The following PCDH9 variants were observed in gnomAD, a reference collection of about 807,000 sequenced individuals.
The protein encoded by PCDH9 is protocadherin-9.
PCDH9 carries 24 observed loss-of-function variants against 70.6 expected under a neutral mutation model. That is an observed-to-expected ratio of 0.34 (90% CI 0.25 to 0.48). The LOEUF is 0.48. PCDH9 is among the 20% of genes least tolerant of loss of function. PCDH9 has a pLI of 0.99. For missense variants in PCDH9, 1,281 were observed against 1,503.6 expected, an observed-to-expected ratio of 0.85 and a Z score of 2.45; for synonymous variants, 562 against 558.5, an observed-to-expected ratio of 1.01 and a Z score of -0.09.
chr13:66,783,410 G>A (rs2139303194), intron 3 of PCDH9, among the ~76,000 whole-genome samples: 1 of 152,158 alleles, frequency 6.6e-6, no homozygotes, highest in South Asian at 2.1e-4. Context: ...AAAATTAACA[G>A]ACACCTCGAT....
Position 67,226,251 on chromosome 13 carries a change from T to C in PCDH9, c.2190A>G (p.Pro730=). ...GNNKGLFRID[P]VTGNITLEEK... ...CTTCCAGAGTAATGTTACCTGTTACTGGATCAATCCGGAATAAGCCTTTAT... is the reference window on the plus strand; with the variant it reads ...CTTCCAGAGTAATGTTACCTGTTACCGGATCAATCCGGAATAAGCCTTTAT... The change falls in exon 2 of 5, where the codon CCA becomes CCG. Residue 730 remains proline, a synonymous_variant. Coordinates refer to ENST00000377865, the MANE Select transcript of PCDH9 (RefSeq NM_203487.3). This position sits in a 1 kb window ranked among gnomAD's most constrained non-coding sequence, Gnocchi z 5.0. 1.2e-6 allele frequency: 2 copies of C among 1,614,222 alleles called. No individual in the cohort carries two copies. Among genetic ancestry groups the C allele is most frequent in the East Asian group, 2.2e-5 (1 of 44,878 alleles).
chr13:66,485,063 C>A (rs963472266), intron 4 of PCDH9, among the ~76,000 whole-genome samples: 2 of 151,996 alleles, frequency 1.3e-5, no homozygotes, highest in Non-Finnish European at 2.9e-5. Flanking sequence ...TTTTTTATTC[C>A]ATTTTGCAAG....
chr13:66,305,941 C>G lies in PCDH9; in HGVS notation c.3341-913G>C, dbSNP rs535835993. 5.7e-4 allele frequency among the ~76,000 whole-genome samples: 86 copies of G among 152,064 alleles called. 3 individuals are homozygous for G. The South Asian group carries it at 0.017, about 31-fold the overall frequency. ...TCTGACTGTTTAAAATAGAAATCAGCCCTTTACTAAAAAAACAACATAAGC... is the reference window on the plus strand; with the variant it reads ...TCTGACTGTTTAAAATAGAAATCAGGCCTTTACTAAAAAAACAACATAAGC... On this transcript the variant is annotated intron_variant, in intron 4 of 4. Transcript: ENST00000377865.
intron 2 of PCDH9, among the ~76,000 whole-genome samples, chr13:67,026,399 T>C (rs370607202): frequency 3.9e-5 from 6 of 152,168 alleles, no homozygotes; most frequent in Non-Finnish European, 8.8e-5. Context: ...AATTAGGTAT[T>C]GATGGGACGT....
chr13:66,432,116 ACTT>A (rs1338157747), intron 4 of PCDH9, among the ~76,000 whole-genome samples: 1 of 151,998 alleles, frequency 6.6e-6, no homozygotes, highest in Non-Finnish European at 1.5e-5. Context: ...TTAAACATGT[ACTT>A]CTTGCTTATT....
chr13:66,369,936 A>G (rs755164717), intron 4 of PCDH9, among the ~76,000 whole-genome samples: 1 of 152,130 alleles, frequency 6.6e-6, no homozygotes, highest in African/African-American at 2.4e-5. Flanking sequence ...TTTGGAAAGA[A>G]TTTCTGACAT....
chr13:66,837,808 T>C (rs1201014874), intron 3 of PCDH9, among the ~76,000 whole-genome samples: 1 of 152,144 alleles, frequency 6.6e-6, no homozygotes, highest in Non-Finnish European at 1.5e-5. Context: ...TCAAATAGGC[T>C]TCAAGGAGAT....
chr13:66,817,056 T>C (rs1160448015), intron 3 of PCDH9, among the ~76,000 whole-genome samples: 3 of 151,678 alleles, frequency 2.0e-5, no homozygotes, highest in African/African-American at 7.3e-5. Context: ...AAAAGCAATA[T>C]AGCAAACAAC....
chr13:66,983,690 CTTTTA>C (rs1594349135), intron 2 of PCDH9, among the ~76,000 whole-genome samples: 1 of 151,940 alleles, frequency 6.6e-6, no homozygotes, highest in Non-Finnish European at 1.5e-5. Flanking sequence ...TTAAAAAAAA[CTTTTA>C]TTTTAGGTTC....
At chr13:66,835,621 T>C (rs1325324273) in intron 3 of PCDH9, among the ~76,000 whole-genome samples, 2 of 152,212 alleles carry the variant, frequency 1.3e-5, no homozygotes, top group Non-Finnish European at 2.9e-5. Flanking sequence ...GGGGATTTGT[T>C]ATGGTGCTAC....
At chr13:67,107,616 G>A (rs544345732) in intron 2 of PCDH9, among the ~76,000 whole-genome samples, 1 of 152,274 alleles carries the variant, frequency 6.6e-6, no homozygotes, top group East Asian at 1.9e-4. Flanking sequence ...TGGGTCTCCT[G>A]AGAGCTGTTC....
intron 2 of PCDH9, among the ~76,000 whole-genome samples, chr13:66,934,101 G>A (rs550844540): frequency 1.3e-5 from 2 of 152,188 alleles, no homozygotes; most frequent in South Asian, 4.2e-4. Context: ...TACTAGACAA[G>A]CAAATGGCCC....
chr13:66,946,869 G>A (rs940015231), intron 2 of PCDH9, among the ~76,000 whole-genome samples: 2 of 152,082 alleles, frequency 1.3e-5, no homozygotes, highest in Non-Finnish European at 2.9e-5. Context: ...CAAAATGAAT[G>A]TACATATGCC....
At position 66,710,772 on chromosome 13, in the gene PCDH9, T is replaced by G. The variant is rs529141191; in HGVS notation, c.3139-79361A>C. Reference sequence around the variant, plus strand: ...GAATCCATTTCCTTGCCTTTTTCATTTTTTTAAAGCCTGCCTGTATTCATT... The same window carrying G: ...GAATCCATTTCCTTGCCTTTTTCATGTTTTTAAAGCCTGCCTGTATTCATT... On this transcript the variant is annotated intron_variant, in intron 3 of 4. Transcript: ENST00000377865. Among the ~76,000 whole-genome samples the G allele has an allele frequency of 1.3e-4, 20 of 152,180 alleles. No homozygotes were observed. The South Asian group carries it at 4.1e-3, about 32-fold the overall frequency.
intron 4 of PCDH9, among the ~76,000 whole-genome samples, chr13:66,556,371 G>A (rs1349434198): frequency 6.6e-6 from 1 of 152,116 alleles, no homozygotes; most frequent in Non-Finnish European, 1.5e-5. Flanking sequence ...CCATCCTCAT[G>A]TAGCTGTTCC....
chr13:67,028,259 T>G (rs1044173614), intron 2 of PCDH9, among the ~76,000 whole-genome samples: 1 of 148,282 alleles, frequency 6.7e-6, no homozygotes, highest in African/African-American at 2.5e-5. Context: ...TGAGTTCATG[T>G]CCTTTGTAGG....
intron 2 of PCDH9, among the ~76,000 whole-genome samples, chr13:67,188,729 T>C (rs2088826682): frequency 6.6e-6 from 1 of 152,150 alleles, no homozygotes; most frequent in East Asian, 1.9e-4. Flanking sequence ...AATAATTCTA[T>C]TTTTTAAAAA....
intron 3 of PCDH9, among the ~76,000 whole-genome samples, chr13:66,670,497 G>C (rs533513580): frequency 2.0e-5 from 3 of 152,100 alleles, no homozygotes; most frequent in African/African-American, 7.2e-5. Context: ...ATTTAAAGAG[G>C]CATCTTTTGA....
At chr13:66,361,442 G>T (rs1001636822) in intron 4 of PCDH9, among the ~76,000 whole-genome samples, 1 of 152,026 alleles carries the variant, frequency 6.6e-6, no homozygotes, top group African/African-American at 2.4e-5. Context: ...CATGGATCCG[G>T]TAATAGAAGA....
Sources: gnomAD v4.1 joint callset for allele counts (sites outside exome capture counted in the v4.1 genomes callset) on GRCh38, gnomAD v4.1.1 for gene constraint, Gnocchi (gnomAD v3.1) non-coding constraint, MANE v1.5 for transcripts, NCBI Gene and HGNC (gene_info 2026-07-23, HGNC 2026-07-21) for gene names.